The following ZNF469 variants were observed in gnomAD, a reference collection of about 807,000 sequenced individuals.
The protein encoded by ZNF469 is zinc finger protein 469.
A neutral mutation model predicts 1.0 loss-of-function variants in ZNF469; 1 was observed. That is an observed-to-expected ratio of 1.00 (90% CI 0.35 to 4.73). The LOEUF (loss-of-function observed/expected upper bound fraction) is 4.73. Ranked by LOEUF, ZNF469 falls within the 30% of genes most tolerant of loss-of-function variation. ZNF469 has a pLI of 0.16. For synonymous variants in ZNF469, 2,703 were observed against 2,363.4 expected, an observed-to-expected ratio of 1.14 and a Z score of -4.17; for missense variants, 6,100 against 5,356.3, an observed-to-expected ratio of 1.14 and a Z score of -4.33.
At chr16:88,343,043 C>T in the ZNF469 span, among the ~76,000 whole-genome samples, 9 of 151,978 alleles carry the variant, frequency 5.9e-5, no homozygotes, top group Middle Eastern at 3.4e-3. Flanking sequence ...AGATAGCACA[C>T]GGGGACTGAG....
At chr16:88,374,406 C>T in the ZNF469 span, among the ~76,000 whole-genome samples, 1 of 152,148 alleles carries the variant, frequency 6.6e-6, no homozygotes, top group Non-Finnish European at 1.5e-5. Flanking sequence ...GACTAGGGAG[C>T]AGCAGCTCAG....
chr16:88,148,929 G>A, the ZNF469 span, among the ~76,000 whole-genome samples: 4 of 152,188 alleles, frequency 2.6e-5, no homozygotes, highest in Admixed American at 2.6e-4. Context: ...CCTGGCACGT[G>A]GCAGGTGCTC....
chr16:88,259,022 T>G, the ZNF469 span, among the ~76,000 whole-genome samples: 1 of 152,236 alleles, frequency 6.6e-6, no homozygotes, highest in African/African-American at 2.4e-5. The surrounding 1 kb of genome is among the most constrained non-coding windows in gnomAD (Gnocchi z 4.1). Flanking sequence ...CAGGGGTGAC[T>G]GAGCACGCCA....
the ZNF469 span, among the ~76,000 whole-genome samples, chr16:88,336,868 C>T: frequency 1.1e-4 from 16 of 152,324 alleles, no homozygotes; most frequent in South Asian, 4.1e-4. Flanking sequence ...CACCACCTGC[C>T]GTTCCCCCAG....
the ZNF469 span, chr16:88,194,488 C>G: frequency 6.6e-6 from 1 of 152,322 alleles, no homozygotes; most frequent in African/African-American, 2.4e-5. Flanking sequence ...GCACAGCTCC[C>G]AGGCCTATGG....
the ZNF469 span, among the ~76,000 whole-genome samples, chr16:88,249,427 T>TC: frequency 1.3e-3 from 51 of 40,406 alleles, no homozygotes; most frequent in African/African-American, 5.2e-3. Flanking sequence ...CTTTTTCTTT[T>TC]TCTTTTTTTT....
chr16:88,257,641 T>G, the ZNF469 span, among the ~76,000 whole-genome samples: 1 of 152,178 alleles, frequency 6.6e-6, no homozygotes, highest in Non-Finnish European at 1.5e-5. Flanking sequence ...TTTATAGTTT[T>G]TCATTTTTCA....
At chr16:88,399,232 C>T (rs886437946) in intron 1 of ZNF469, among the ~76,000 whole-genome samples, 2 of 152,246 alleles carry the variant, frequency 1.3e-5, no homozygotes, top group Non-Finnish European at 2.9e-5. Flanking sequence ...CCTCCCTCCC[C>T]TCTGCTCCCT....
chr16:88,211,691 C>T, the ZNF469 span, among the ~76,000 whole-genome samples: 3 of 152,060 alleles, frequency 2.0e-5, no homozygotes, highest in Non-Finnish European at 2.9e-5. Flanking sequence ...GAACTGTGGG[C>T]TCTGTCTGTT....
At chr16:88,243,910 G>GCATATA in the ZNF469 span, among the ~76,000 whole-genome samples, 1,014 of 18,188 alleles carry the variant, frequency 0.056, 56 homozygotes, top group Middle Eastern at 0.17. Flanking sequence ...CTGGCTGGAT[G>GCATATA]CATATATATA....
At chr16:88,224,715 A>G in the ZNF469 span, among the ~76,000 whole-genome samples, 3 of 152,046 alleles carry the variant, frequency 2.0e-5, no homozygotes, top group Non-Finnish European at 4.4e-5. Flanking sequence ...GTGTGTGTCC[A>G]TGTGTGTCTC....
At chr16:88,317,053 G>C in the ZNF469 span, among the ~76,000 whole-genome samples, 3 of 152,204 alleles carry the variant, frequency 2.0e-5, no homozygotes, top group Non-Finnish European at 2.9e-5. Context: ...GTAGATGGTG[G>C]GGCTCTGGCA....
intron 1 of ZNF469, among the ~76,000 whole-genome samples, chr16:88,383,782 C>T (rs1403454903): frequency 1.3e-5 from 2 of 152,052 alleles, no homozygotes; most frequent in African/African-American, 4.8e-5. Flanking sequence ...GCGGTGTCAG[C>T]GCCCCGGACG....
chr16:88,187,058 A>T, the ZNF469 span, among the ~76,000 whole-genome samples: 1 of 152,164 alleles, frequency 6.6e-6, no homozygotes. Context: ...CGGGGTATGA[A>T]GACGATGTAG....
the ZNF469 span, among the ~76,000 whole-genome samples, chr16:88,248,952 C>G: frequency 6.6e-6 from 1 of 152,204 alleles, no homozygotes; most frequent in East Asian, 1.9e-4. Flanking sequence ...CCCTCGGCCT[C>G]TCTGTCCACC....
At chr16:88,259,243 C>T in the ZNF469 span, among the ~76,000 whole-genome samples, 4 of 151,596 alleles carry the variant, frequency 2.6e-5, no homozygotes, top group South Asian at 6.3e-4. This position sits in a 1 kb window ranked among gnomAD's most constrained non-coding sequence, Gnocchi z 4.1. Flanking sequence ...CCGGGCAAGC[C>T]GACCCACCCC....
At chr16:88,142,737 C>T in the ZNF469 span, among the ~76,000 whole-genome samples, 11 of 152,318 alleles carry the variant, frequency 7.2e-5, no homozygotes, top group Middle Eastern at 0.014. Flanking sequence ...GCTCACCCTG[C>T]GGGGAGTCGG....
chr16:88,182,805 C>CA, the ZNF469 span, among the ~76,000 whole-genome samples: 21 of 151,204 alleles, frequency 1.4e-4, no homozygotes, highest in Admixed American at 1.2e-3. Context: ...TAGAAGAAAA[C>CA]AAAAAACTGC....
At chr16:88,337,098 C>A in the ZNF469 span, among the ~76,000 whole-genome samples, 1 of 152,342 alleles carries the variant, frequency 6.6e-6, no homozygotes, top group African/African-American at 2.4e-5. Context: ...GCATCTGGGC[C>A]ATTTCCACGC....
Sources: gnomAD v4.1 joint callset for allele counts (sites outside exome capture counted in the v4.1 genomes callset) on GRCh38, gnomAD v4.1.1 for gene constraint, Gnocchi (gnomAD v3.1) non-coding constraint, MANE v1.5 for transcripts, NCBI Gene and HGNC (gene_info 2026-07-23, HGNC 2026-07-21) for gene names.